Variants in GRIA1 observed in about 807,000 individuals in gnomAD.
GRIA1 encodes the protein glutamate ionotropic receptor AMPA type subunit 1, also known as glutamate receptor 1.
In GRIA1, 31 loss-of-function variants were observed where a neutral mutation model predicts 99.2. That is an observed-to-expected ratio of 0.31 (90% CI 0.23 to 0.42). The LOEUF (loss-of-function observed/expected upper bound fraction) is 0.42. Among genes scored for constraint, GRIA1 ranks in the 10% least tolerant of loss-of-function variants. The pLI, the probability that GRIA1 is intolerant of heterozygous loss-of-function variation, is 1.00. For synonymous variants in GRIA1, 438 were observed against 432.4 expected (o/e 1.01, Z -0.16); for missense variants, 782 against 1,157.5 (o/e 0.68, Z 4.71).
At chr5:153,686,060 A>G (rs188975785) in intron 7 of GRIA1, among the ~76,000 whole-genome samples, 165 bp from the exon 8 acceptor site, 1 of 152,208 alleles carries the variant, frequency 6.6e-6, no homozygotes, top group Admixed American at 6.5e-5. Context: ...TCTGTAATGC[A>G]TCCCTTGCCT....
chr5:153,711,928 A>C (rs1005663626), intron 11 of GRIA1, among the ~76,000 whole-genome samples: 21 of 152,216 alleles, frequency 1.4e-4, no homozygotes, highest in African/African-American at 5.1e-4. Flanking sequence ...AATGTGTAAT[A>C]ATTGTCTCCA....
At chr5:153,754,269 GTTC>G (rs1437598311) in intron 11 of GRIA1, among the ~76,000 whole-genome samples, 1 of 152,166 alleles carries the variant, frequency 6.6e-6, no homozygotes, top group Non-Finnish European at 1.5e-5. Context: ...TTGCCCTCAA[GTTC>G]TTATCTTGTG....
At position 153,705,977 on chromosome 5, in the gene GRIA1, C is replaced by G. The variant is rs1055633625; in HGVS notation, c.1733C>G (p.Thr578Ser). ...EEFEEGRDQT[T>S]SDQSNEFGIF... ...TTTGAGGAAGGACGGGACCAGACAA[C>G]CAGTGACCAGTCCAATGAGTTTGGG... The change falls in exon 11 of 16, where the codon ACC (threonine) becomes AGC (serine). Residue 578 changes from threonine (T) to serine (S), a missense_variant. Thr to Ser is a moderately conservative substitution (Grantham distance 58). Coordinates refer to ENST00000285900, the MANE Select transcript of GRIA1 (RefSeq NM_000827.4). 1.2e-6 allele frequency: 2 copies of G among 1,613,918 alleles called. No individual in the cohort carries two copies. The highest frequency in any genetic ancestry group is 3.3e-5 in the Admixed American group (2 of 60,012).
intron 2 of GRIA1, among the ~76,000 whole-genome samples, chr5:153,562,181 G>T (rs1217474012): frequency 2.0e-5 from 3 of 152,202 alleles, no homozygotes; most frequent in African/African-American, 7.2e-5. Flanking sequence ...AGGGTGGAAA[G>T]ATGCATTGGG....
At chr5:153,492,343 A>G in intron 1 of GRIA1, 1 of 1,509,232 alleles carries the variant, frequency 6.6e-7, no homozygotes, top group Non-Finnish European at 8.9e-7. Flanking sequence ...CTAACACGCA[A>G]AACTTCCTGC....
chr5:153,641,122 G>A (rs1753750861), intron 2 of GRIA1, among the ~76,000 whole-genome samples: 1 of 152,062 alleles, frequency 6.6e-6, no homozygotes, highest in Non-Finnish European at 1.5e-5. Flanking sequence ...TCCAGGAGGG[G>A]AATGAGTGCC....
chr5:153,642,833 C>T (rs1408940766), intron 2 of GRIA1, among the ~76,000 whole-genome samples: 1 of 152,180 alleles, frequency 6.6e-6, no homozygotes, highest in Non-Finnish European at 1.5e-5. Flanking sequence ...AATGTAGTCT[C>T]CATCTCTGGC....
At chr5:153,665,076 C>G (rs776577609) in intron 5 of GRIA1, among the ~76,000 whole-genome samples, 9 of 152,194 alleles carry the variant, frequency 5.9e-5, no homozygotes, top group Non-Finnish European at 1.2e-4. Context: ...CTGACCACAA[C>G]AGTTGGGGCA....
intron 2 of GRIA1, among the ~76,000 whole-genome samples, chr5:153,626,472 GTGTGTGTGTGTGTGTA>G (rs1329839126): frequency 3.7e-4 from 56 of 150,692 alleles, no homozygotes; most frequent in Admixed American, 4.0e-4. Context: ...GTGTGTGTGT[GTGTGTGTGTGTGTGTA>G]TGTGTTGTGC....
At chr5:153,619,188 A>G (rs1286364909) in intron 2 of GRIA1, among the ~76,000 whole-genome samples, 1 of 152,196 alleles carries the variant, frequency 6.6e-6, no homozygotes, top group African/African-American at 2.4e-5. Context: ...AAAGTGTCTC[A>G]TTCAACCTGC....
At chr5:153,639,170 G>T (rs769795196) in intron 2 of GRIA1, among the ~76,000 whole-genome samples, 21 of 152,142 alleles carry the variant, frequency 1.4e-4, no homozygotes, top group African/African-American at 1.7e-4. Flanking sequence ...CTCATCCATG[G>T]ACTGGACTTG....
rs1763792629 is a variant in GRIA1, at chr5:153,770,326, G to A, written c.2181G>A (p.Glu727=). Residue 727 remains glutamate (E), a synonymous_variant, in exon 13 of 16, where the codon GAG becomes GAA. Coordinates refer to ENST00000285900, the MANE Select transcript of GRIA1 (RefSeq NM_000827.4). The part of the protein sequence containing the change: ...LLESTMNEYI[E]QRKPCDTMKV... ...AGTCCACCATGAATGAGTACATTGA[G>A]CAGCGGAAACCCTGTGACACCATGA... 3 of 1,613,862 alleles carry A rather than the reference G, an allele frequency of 1.9e-6. No individual in the cohort carries two copies. Among genetic ancestry groups the A allele is most frequent in the Non-Finnish European group, 1.7e-6 (2 of 1,179,920 alleles).
chr5:153,568,083 T>A (rs1761809972), intron 2 of GRIA1, among the ~76,000 whole-genome samples: 1 of 152,178 alleles, frequency 6.6e-6, no homozygotes, highest in African/African-American at 2.4e-5. Flanking sequence ...GTGATAGAGC[T>A]AGGACTAAAA....
intron 11 of GRIA1, among the ~76,000 whole-genome samples, chr5:153,742,463 T>G (rs904166065): frequency 6.6e-6 from 1 of 152,198 alleles, no homozygotes; most frequent in Non-Finnish European, 1.5e-5. Flanking sequence ...TATCTTACAG[T>G]TCTGTAGCTC....
chr5:153,610,804 G>T (rs1209184592), intron 2 of GRIA1, among the ~76,000 whole-genome samples: 2 of 152,122 alleles, frequency 1.3e-5, no homozygotes, highest in Non-Finnish European at 2.9e-5. Context: ...ACAGTGTCTG[G>T]CACATGGAAA....
At chr5:153,549,226 T>C (rs1759895405) in intron 2 of GRIA1, among the ~76,000 whole-genome samples, 1 of 152,190 alleles carries the variant, frequency 6.6e-6, no homozygotes, top group Admixed American at 6.5e-5. Context: ...CTCATCATTG[T>C]TCAGTGCCAG....
At chr5:153,670,429 T>G (rs558868977) in intron 5 of GRIA1, among the ~76,000 whole-genome samples, 133 of 139,022 alleles carry the variant, frequency 9.6e-4, no homozygotes, top group Non-Finnish European at 1.9e-3. Context: ...ACAAGTACTC[T>G]GTAGATTAAT....
Position 153,765,911 on chromosome 5 carries a change from C to T in GRIA1, c.2022+1279C>T, listed in dbSNP as rs1290048482. 2.0e-5 allele frequency among the ~76,000 whole-genome samples: 3 copies of T among 152,308 alleles called. No homozygotes were observed. The East Asian group carries it at 5.8e-4, about 29-fold the overall frequency. ...ATTAAAAGAATCACCTAAGATCACA[C>T]AGCTAATTAGTAGCAGAAGGAGCAG... On this transcript the variant is annotated intron_variant, in intron 12 of 15. Transcript: ENST00000285900.
At chr5:153,688,721 C>CTTTTTT (rs921251469) in intron 8 of GRIA1, among the ~76,000 whole-genome samples, 10 of 151,280 alleles carry the variant, frequency 6.6e-5, no homozygotes, top group South Asian at 4.2e-4. Flanking sequence ...CTTTCAGATT[C>CTTTTTT]TTTTTTTGTT....
Sources: gnomAD v4.1 joint callset for allele counts (sites outside exome capture counted in the v4.1 genomes callset) on GRCh38, gnomAD v4.1.1 for gene constraint, MANE v1.5 for transcripts, NCBI Gene and HGNC (gene_info 2026-07-23, HGNC 2026-07-21) for gene names.